Variants in MYH13 observed in about 807,000 individuals in gnomAD.
The protein encoded by MYH13 is myosin-13.
In MYH13, 177 loss-of-function variants were observed where a neutral mutation model predicts 232.1. The ratio of observed to expected loss-of-function variants is 0.76; its 90% CI spans 0.67 to 0.86. The LOEUF (loss-of-function observed/expected upper bound fraction) is 0.86, where lower values mean the gene tolerates loss of function less well. Ranked by LOEUF, MYH13 falls within the 40% of genes least tolerant of loss-of-function variation. The pLI is 0.00. For missense variants in MYH13, 2,246 were observed against 2,405.9 expected (o/e 0.93, Z 1.39); for synonymous variants, 884 against 923.5 (o/e 0.96, Z 0.78).
At chr17:10,311,630 G>C (rs1906511363) in intron 32 of MYH13, among the ~76,000 whole-genome samples, 1 of 152,184 alleles carries the variant, frequency 6.6e-6, no homozygotes, top group Admixed American at 6.5e-5. Flanking sequence ...AGAATACAAA[G>C]CCACCTAGAG....
Position 10,331,081 on chromosome 17 carries a change from C to T in MYH13, c.2299-558G>A, listed in dbSNP as rs544850270. Among the ~76,000 whole-genome samples, 27 of 152,230 alleles carry T rather than the reference C, an allele frequency of 1.8e-4. 1 individual carries two copies. The East Asian group carries it at 2.7e-3, about 15-fold the overall frequency. ...AAAACAACGTGTGTTCCAGGCCCCA[C>T]CAACCCACAGAGATCAGTTCTGACA... On this transcript the variant is annotated intron_variant, in intron 20 of 40. Transcript: ENST00000252172.
At chr17:10,365,380 C>T (rs2071826115) in intron 2 of MYH13, among the ~76,000 whole-genome samples, 1 of 152,200 alleles carries the variant, frequency 6.6e-6, no homozygotes, top group Admixed American at 6.5e-5. Context: ...CAAAATGGCC[C>T]AGGGCAATGG....
intron 8 of MYH13, 60 bp from the exon 9 acceptor site, chr17:10,355,207 G>C: frequency 1.3e-6 from 2 of 1,495,250 alleles, no homozygotes; most frequent in Non-Finnish European, 1.8e-6. Context: ...TTTGTGGCTG[G>C]CCTTAGATAG....
At position 10,313,333 on chromosome 17, in the gene MYH13, C is replaced by T. The variant is rs1461899559; in HGVS notation, c.4006G>A (p.Ala1336Thr). Reference protein sequence around the residue: ...ETKAKNAMAHALQSSRHDCDL... With the variant: ...ETKAKNAMAHTLQSSRHDCDL... ...CAGTCGTGGCGGGAGGACTGCAGGG[C>T]GTGCGCCATGGCGTTCTTGGCCTGG... The change falls in exon 30 of 41, where the codon GCC becomes ACC. Residue 1336 changes from alanine (A) to threonine (T), a missense_variant. Ala to Thr is a moderately conservative substitution (Grantham distance 58, BLOSUM62 0). Transcript: ENST00000252172. 9.3e-6 allele frequency: 15 copies of T among 1,614,114 alleles called. No individual in the cohort carries two copies. The highest frequency in any genetic ancestry group is 4.5e-5 in the East Asian group (2 of 44,904).
Position 10,301,633 on chromosome 17 carries a change from C to T in MYH13, c.5738G>A (p.Arg1913Lys), listed in dbSNP as rs1906095861. ...VQHELEEAAERADIAESQVNK... is the reference protein window; with the variant it reads ...VQHELEEAAEKADIAESQVNK... Reference sequence around the variant, plus strand: ...GACCTGGGACTCAGCGATGTCCGCCCTCTCCGCGGCCTCCTCTAGCTCATG... The same window carrying T: ...GACCTGGGACTCAGCGATGTCCGCCTTCTCCGCGGCCTCCTCTAGCTCATG... Residue 1913 changes from arginine to lysine, a missense_variant, in exon 40 of 41, where the codon AGG becomes AAG. Transcript: ENST00000252172. 1 of 1,614,222 alleles carries T rather than the reference C, an allele frequency of 6.2e-7. No homozygotes were observed. Among genetic ancestry groups the T allele is most frequent in the South Asian group, 1.1e-5 (1 of 91,090 alleles).
In MYH13 at chr17:10,306,579, G is replaced by A. The variant is rs1220304808; in HGVS notation, c.5346C>T (p.His1782=). 4.3e-6 allele frequency: 7 copies of A among 1,613,974 alleles called. No individual in the cohort carries two copies. In the East Asian group the frequency reaches 6.7e-5, roughly 15 times the overall value. Reference sequence around the variant, plus strand: ...CCAGGTTCTTCTTCATCCGCTCCAGGTGGGCGCTGGTGTCCTGTTCCTTCT... The same window carrying A: ...CCAGGTTCTTCTTCATCCGCTCCAGATGGGCGCTGGTGTCCTGTTCCTTCT... ...ELKKEQDTSA[H]LERMKKNLEQ... Residue 1782 remains histidine (H), a synonymous_variant, in exon 37 of 41, where the codon CAC becomes CAT. Transcript: ENST00000252172. This position sits in a 1 kb window ranked among gnomAD's most constrained non-coding sequence, Gnocchi z 4.3.
At chr17:10,321,381 C>G in intron 24 of MYH13, 151 bp downstream of exon 24, 1 of 720,628 alleles carries the variant, frequency 1.4e-6, no homozygotes, top group African/African-American at 1.8e-5. Context: ...GTATCCCAGA[C>G]TCCTTCAGGG....
rs1440215480 is a variant in MYH13 at position 10,330,521 on chromosome 17, C to T, written c.2301G>A (p.Val767=). The part of the protein sequence containing the change: ...REQFRFGNTK[V]FFKAGLLGLL... ...GTCCCAGGAGCCCAGCTTTGAAAAA[C>T]ACCTGCATTAAAAGACAGAGGAGCC... The change falls in exon 21 of 41, where the codon GTG becomes GTA. Residue 767 remains valine (V), a splice_region_variant and synonymous_variant. Coordinates refer to ENST00000252172, the MANE Select transcript of MYH13 (RefSeq NM_003802.3). 6.2e-7 allele frequency: 1 copy of T among 1,606,646 alleles called. No individual in the cohort carries two copies. The highest frequency in any genetic ancestry group is 2.2e-5 in the East Asian group (1 of 44,704).
At chr17:10,344,217 C>T in intron 15 of MYH13, 108 bp from the exon 16 acceptor site, 5 of 1,466,962 alleles carry the variant, frequency 3.4e-6, no homozygotes, top group East Asian at 4.6e-5. Flanking sequence ...ACCAGGAATG[C>T]TGGCATGTAC....
chr17:10,333,344 G>A (rs181851989), intron 18 of MYH13, among the ~76,000 whole-genome samples, 153 bp from the exon 19 acceptor site: 29 of 152,326 alleles, frequency 1.9e-4, no homozygotes, highest in African/African-American at 6.3e-4. Flanking sequence ...AGGGCTGGGG[G>A]TGGCTAGAGC....
At chr17:10,323,448 G>C (rs981730501) in intron 23 of MYH13, among the ~76,000 whole-genome samples, 2 of 152,054 alleles carry the variant, frequency 1.3e-5, no homozygotes, top group Non-Finnish European at 2.9e-5. Flanking sequence ...CTAGAAGTTT[G>C]TGATACAGCC....
At chr17:10,332,651 G>A (rs887687374) in intron 19 of MYH13, among the ~76,000 whole-genome samples, 32 of 152,258 alleles carry the variant, frequency 2.1e-4, no homozygotes, top group African/African-American at 7.5e-4. Context: ...CTAGAGCTGC[G>A]GGCCTCAGCT....
At position 10,300,912 on chromosome 17, in the gene MYH13, T is replaced by G. The variant is rs1362872141; in HGVS notation, c.*39A>C. 1.2e-6 allele frequency: 2 copies of G among 1,606,302 alleles called. No homozygotes were observed. Among genetic ancestry groups the G allele is most frequent in the East Asian group, 2.2e-5 (1 of 44,812 alleles). ...TTTCTCACACATTTTCCCTCCACTCTCTCGGAGGTGTCCCATGGCAACGAG... is the reference window on the plus strand; with the variant it reads ...TTTCTCACACATTTTCCCTCCACTCGCTCGGAGGTGTCCCATGGCAACGAG... On this transcript the variant is annotated 3_prime_UTR_variant, in exon 41 of 41. Transcript: ENST00000252172.
intron 8 of MYH13, among the ~76,000 whole-genome samples, chr17:10,357,036 C>T (rs139249010): frequency 0.021 from 3,144 of 152,260 alleles, 125 homozygotes; most frequent in African/African-American, 0.073. Context: ...CTTCGGCTCC[C>T]TGCAACCTCC....
chr17:10,300,942 A>C lies in MYH13; in HGVS notation c.*9T>G. On this transcript the variant is annotated 3_prime_UTR_variant, in exon 41 of 41. Transcript: ENST00000252172. ...GAGGTGTCCCATGGCAACGAGCATC[A>C]GGTGAGCCTCATTCTTCCATCTTCT... 1 of 1,612,716 alleles carries C rather than the reference A, an allele frequency of 6.2e-7. No homozygotes were observed. The highest frequency in any genetic ancestry group is 8.5e-7 in the Non-Finnish European group (1 of 1,179,088).
chr17:10,301,418 C>T, intron 40 of MYH13, 151 bp downstream of exon 40: 4 of 1,261,892 alleles, frequency 3.2e-6, no homozygotes, highest in Non-Finnish European at 4.4e-6. Context: ...CCCTGGCCCC[C>T]TACATCTCAG....
At chr17:10,347,520 G>A (rs2071675050) in intron 12 of MYH13, among the ~76,000 whole-genome samples, 1 of 152,218 alleles carries the variant, frequency 6.6e-6, no homozygotes, top group East Asian at 1.9e-4. Flanking sequence ...TGAAAGAGAA[G>A]TACAAAACTT....
intron 21 of MYH13, among the ~76,000 whole-genome samples, chr17:10,329,945 A>G (rs1907353168): frequency 6.6e-6 from 1 of 151,618 alleles, no homozygotes; most frequent in South Asian, 2.1e-4. Context: ...GATTGCAGTG[A>G]GCCGAGATTG....
chr17:10,320,470 C>T lies in MYH13; in HGVS notation c.3138G>A (p.Lys1046=). Residue 1046 remains lysine (K), a synonymous_variant, in exon 25 of 41, where the codon AAG becomes AAA. Transcript: ENST00000252172. ...CCCTTTCCAAGTCCGCCCGCAGTTTCTTCTCCTGCTCTAAGGAACCCTCAA... is the reference window on the plus strand; with the variant it reads ...CCCTTTCCAAGTCCGCCCGCAGTTTTTTCTCCTGCTCTAAGGAACCCTCAA... ...DDLEGSLEQE[K]KLRADLERAK... 6.2e-7 allele frequency: 1 copy of T among 1,613,408 alleles called. No individual in the cohort carries two copies. Among genetic ancestry groups the T allele is most frequent in the Non-Finnish European group, 8.5e-7 (1 of 1,179,712 alleles).
Sources: allele counts gnomAD v4.1 joint callset (sites outside exome capture counted in the v4.1 genomes callset), GRCh38; gene constraint gnomAD v4.1.1; non-coding constraint Gnocchi (gnomAD v3.1); transcripts MANE v1.5; gene names NCBI Gene and HGNC (gene_info 2026-07-23, HGNC 2026-07-21).